Variants in KLHL20 observed in about 807,000 individuals in gnomAD.
KLHL20 encodes the protein kelch-like protein 20.
In KLHL20, 29 loss-of-function variants were observed where a neutral mutation model predicts 69.5. The observed-to-expected ratio is 0.42, with a 90% CI of 0.31 to 0.57. The LOEUF is 0.57. Ranked by LOEUF, KLHL20 falls within the 20% of genes least tolerant of loss-of-function variation. KLHL20 has a pLI of 0.18. For missense variants in KLHL20, 419 were observed against 776.0 expected (o/e 0.54, Z 5.47); for synonymous variants, 253 against 265.2 (o/e 0.95, Z 0.45).
intron 3 of KLHL20, 198 bp downstream of exon 3, chr1:173,734,484 G>T (rs944726321): frequency 5.0e-6 from 3 of 599,546 alleles, no homozygotes; most frequent in African/African-American, 3.7e-5. Flanking sequence ...AAGATTTAGG[G>T]ATTTATTCTC....
In KLHL20 at chr1:173,751,746, T is replaced by C; in HGVS notation, c.598-18T>C. 1 of 1,611,602 alleles carries C rather than the reference T, an allele frequency of 6.2e-7. No individual in the cohort carries two copies. The highest frequency in any genetic ancestry group is 1.1e-5 in the South Asian group (1 of 91,006). On this transcript the variant is annotated intron_variant, in intron 3 of 11. Transcript: ENST00000209884. The stretch of plus-strand genomic sequence containing the variant: ...GTGATCACAGGATTTTTTTTTCTTC[T>C]TACCTAACTTTGAACAGGTAATGGA...
intron 2 of KLHL20, among the ~76,000 whole-genome samples, 158 bp from the exon 3 acceptor site, chr1:173,733,555 C>A (rs1019465617): frequency 1.3e-5 from 2 of 152,004 alleles, no homozygotes; most frequent in Non-Finnish European, 2.9e-5. Flanking sequence ...TGAGACCAAT[C>A]TGGGCAACAC....
At chr1:173,767,584 A>T (rs1429083271) in intron 8 of KLHL20, among the ~76,000 whole-genome samples, 1 of 152,126 alleles carries the variant, frequency 6.6e-6, no homozygotes, top group Non-Finnish European at 1.5e-5. Context: ...AGCCATTCTA[A>T]CAGGTGTGAC....
At chr1:173,780,938 T>A (rs1198006443) in intron 10 of KLHL20, among the ~76,000 whole-genome samples, 1 of 150,912 alleles carries the variant, frequency 6.6e-6, no homozygotes, top group Non-Finnish European at 1.5e-5. Flanking sequence ...ACTATGGTGA[T>A]CTGTGATCCT....
At chr1:173,726,387 C>T (rs770753290) in intron 2 of KLHL20, among the ~76,000 whole-genome samples, 3 of 152,028 alleles carry the variant, frequency 2.0e-5, no homozygotes, top group Non-Finnish European at 2.9e-5. Context: ...TGTCTGACAG[C>T]TTTGAAGAGA....
At chr1:173,784,744 T>C (rs1649097585) in intron 11 of KLHL20, among the ~76,000 whole-genome samples, 1 of 152,144 alleles carries the variant, frequency 6.6e-6, no homozygotes, top group African/African-American at 2.4e-5. Context: ...GACAAAGGGA[T>C]AAAAATAAAT....
At chr1:173,755,114 A>C (rs1673488922) in intron 5 of KLHL20, among the ~76,000 whole-genome samples, 1 of 145,390 alleles carries the variant, frequency 6.9e-6, no homozygotes, top group Admixed American at 7.1e-5. Flanking sequence ...GCTGGAGTGC[A>C]GTGGTGCAAT....
intron 10 of KLHL20, among the ~76,000 whole-genome samples, chr1:173,781,604 A>G (rs1648883840): frequency 6.6e-6 from 1 of 152,062 alleles, no homozygotes; most frequent in Non-Finnish European, 1.5e-5. Flanking sequence ...GAGGAAAGTG[A>G]CAATATGATT....
chr1:173,781,237 A>G (rs1648857349), intron 10 of KLHL20, among the ~76,000 whole-genome samples: 2 of 152,136 alleles, frequency 1.3e-5, no homozygotes, highest in Admixed American at 1.3e-4. Context: ...GCTAAGATAG[A>G]TTTCTGGAGG....
chr1:173,720,329 C>CAA (rs1297389141), intron 2 of KLHL20, among the ~76,000 whole-genome samples: 7 of 135,188 alleles, frequency 5.2e-5, no homozygotes, highest in African/African-American at 1.6e-4. Flanking sequence ...ACAGCTTGTG[C>CAA]AAAAAAAAAA....
At chr1:173,780,351 T>C (rs1354079139) in intron 10 of KLHL20, among the ~76,000 whole-genome samples, 1 of 152,224 alleles carries the variant, frequency 6.6e-6, no homozygotes, top group East Asian at 1.9e-4. Context: ...ATATATTTTA[T>C]AGAAGAACAT....
intron 8 of KLHL20, among the ~76,000 whole-genome samples, chr1:173,768,542 T>C (rs1304302249): frequency 1.3e-5 from 2 of 152,330 alleles, no homozygotes; most frequent in East Asian, 3.9e-4. Context: ...TTTTTCACTT[T>C]CAAAACTCAG....
intron 7 of KLHL20, among the ~76,000 whole-genome samples, chr1:173,762,590 A>G (rs920475640): frequency 2.6e-5 from 4 of 152,232 alleles, no homozygotes; most frequent in African/African-American, 7.2e-5. Context: ...ATAGAAGTCA[A>G]TAAATGTGAT....
rs531699820 is a variant in KLHL20, at chr1:173,727,562, C to T, written c.24-6151C>T. Among the ~76,000 whole-genome samples the T allele has an allele frequency of 3.3e-5, 5 of 152,298 alleles. No homozygotes were observed. The East Asian group carries it at 9.6e-4, about 29-fold the overall frequency. ...CTAACAGCTGATCTCTCGGCAGAAA[C>T]TCTACAAGCCAGAAGACAGTGGGGG... is the stretch of plus-strand genomic sequence containing the variant. On this transcript the variant is annotated intron_variant, in intron 2 of 11. Coordinates refer to ENST00000209884, the MANE Select transcript of KLHL20 (RefSeq NM_014458.4).
chr1:173,723,185 G>A (rs1671796649), intron 2 of KLHL20, among the ~76,000 whole-genome samples: 1 of 152,074 alleles, frequency 6.6e-6, no homozygotes, highest in African/African-American at 2.4e-5. Flanking sequence ...GTCTTTAATT[G>A]TTACTTTTTT....
intron 9 of KLHL20, among the ~76,000 whole-genome samples, 180 bp downstream of exon 9, chr1:173,774,618 T>C (rs181510920): frequency 6.6e-6 from 1 of 152,342 alleles, no homozygotes; most frequent in African/African-American, 2.4e-5. Context: ...AGTCATATTC[T>C]AAGTACGTTC....
intron 2 of KLHL20, 131 bp from the exon 3 acceptor site, chr1:173,733,582 T>C: frequency 1.3e-6 from 1 of 796,026 alleles, no homozygotes. Flanking sequence ...ACATCATCTC[T>C]ACAAAAAATT....
chr1:173,730,734 G>T (rs936544170), intron 2 of KLHL20, among the ~76,000 whole-genome samples: 5 of 152,192 alleles, frequency 3.3e-5, no homozygotes, highest in African/African-American at 1.2e-4. Flanking sequence ...ATGGATTAAA[G>T]ACTTAAATAT....
intron 7 of KLHL20, among the ~76,000 whole-genome samples, chr1:173,764,642 G>T (rs149431106): frequency 1.3e-5 from 2 of 152,060 alleles, no homozygotes. Context: ...ACCAAACATC[G>T]TATGTTCTCA....
Sources: allele counts gnomAD v4.1 joint callset (sites outside exome capture counted in the v4.1 genomes callset), GRCh38; gene constraint gnomAD v4.1.1; transcripts MANE v1.5; gene names NCBI Gene and HGNC (gene_info 2026-07-23, HGNC 2026-07-21).